ANXA13: variants seen among roughly 807,000 people sequenced by gnomAD.
ANXA13 encodes the protein annexin A13, also known as annexin XIII.
A neutral mutation model predicts 46.6 loss-of-function variants in ANXA13; 36 were observed. The observed-to-expected ratio is 0.77, with a 90% CI of 0.59 to 1.02. The LOEUF (loss-of-function observed/expected upper bound fraction) is 1.02. ANXA13 is among the 50% of genes least tolerant of loss of function. The pLI, the probability that ANXA13 is intolerant of heterozygous loss-of-function variation, is 0.00. For missense variants in ANXA13, 417 were observed against 396.5 expected (o/e 1.05, Z -0.44); for synonymous variants, 163 against 152.9 (o/e 1.07, Z -0.49).
chr8:123,722,259 G>T (rs1813888599), intron 1 of ANXA13, among the ~76,000 whole-genome samples: 1 of 151,932 alleles, frequency 6.6e-6, no homozygotes, highest in Admixed American at 6.6e-5. Context: ...GTTGCAGTGA[G>T]CCGTGGTTGC....
At chr8:123,711,217 C>T (rs1233908754) in intron 2 of ANXA13, among the ~76,000 whole-genome samples, 2 of 152,250 alleles carry the variant, frequency 1.3e-5, no homozygotes, top group South Asian at 2.1e-4. Flanking sequence ...CTACCACTCA[C>T]TGAGCAATGT....
rs140873967 is a variant in ANXA13, at chr8:123,737,199, C to T, written c.15+121G>A. 965 of 1,026,864 alleles carry T rather than the reference C, an allele frequency of 9.4e-4. 12 individuals carry two copies. In the African/African-American group the frequency reaches 0.014, roughly 15 times the overall value. 63.6% of individuals were successfully genotyped at this position (1,026,864 alleles called of 1,614,324 possible). ...AAAGCATGGTATGCTGTTGCTAAAA[C>T]CAATATTAAAGGGTAACCATAGTGA... On this transcript the variant is annotated intron_variant, in intron 1 of 10. Transcript: ENST00000419625.
chr8:123,702,193 G>T (rs1220648311), intron 3 of ANXA13, among the ~76,000 whole-genome samples: 1 of 151,538 alleles, frequency 6.6e-6, no homozygotes, highest in Non-Finnish European at 1.5e-5. Context: ...ACAATAAAAA[G>T]AATGAAAGAA....
At chr8:123,693,117 T>C (rs1813269706) in intron 8 of ANXA13, 80 bp downstream of exon 8, 1 of 1,246,320 alleles carries the variant, frequency 8.0e-7, no homozygotes. Context: ...CAATTCCTTA[T>C]TGCAGATCTT....
intron 1 of ANXA13, among the ~76,000 whole-genome samples, chr8:123,723,705 G>C (rs987915662): frequency 6.6e-6 from 1 of 152,134 alleles, no homozygotes; most frequent in Admixed American, 6.5e-5. Flanking sequence ...GCACACCACT[G>C]ACTCTTTTGT....
chr8:123,684,624 CGACTAT>C lies in ANXA13; in HGVS notation c.811_816del (p.Ile271_Val272del), dbSNP rs1813102918. ...GTGTGTCTTACCTCGGCCCTGGTCA[CGACTAT>C]GCGAATCAACGTCTCCTCATCGGTC... is the stretch of plus-strand genomic sequence containing the variant. On this transcript the variant is annotated inframe_deletion, in exon 10 of 11. Coordinates refer to ENST00000419625, the MANE Select transcript of ANXA13 (RefSeq NM_004306.4). 2.5e-6 allele frequency: 4 copies of C among 1,613,678 alleles called. No individual in the cohort carries two copies. The highest frequency in any genetic ancestry group is 3.4e-6 in the Non-Finnish European group (4 of 1,179,620).
intron 1 of ANXA13, among the ~76,000 whole-genome samples, chr8:123,731,867 C>A (rs1814125042): frequency 6.6e-6 from 1 of 152,084 alleles, no homozygotes; most frequent in African/African-American, 2.4e-5. Flanking sequence ...AGAGCGAGAT[C>A]CTGTCTCAAA....
chr8:123,719,053 A>G (rs1813810497), intron 1 of ANXA13, among the ~76,000 whole-genome samples: 1 of 152,222 alleles, frequency 6.6e-6, no homozygotes, highest in Non-Finnish European at 1.5e-5. Flanking sequence ...AACTCTGGGG[A>G]TGGAATGTGT....
intron 2 of ANXA13, among the ~76,000 whole-genome samples, chr8:123,706,393 G>A (rs756975004): frequency 4.6e-5 from 7 of 152,206 alleles, no homozygotes; most frequent in Non-Finnish European, 8.8e-5. Context: ...ATCCTGGCAG[G>A]TGCCAAGCCC....
chr8:123,725,915 C>T (rs1001949049), intron 1 of ANXA13, among the ~76,000 whole-genome samples: 1 of 152,138 alleles, frequency 6.6e-6, no homozygotes, highest in East Asian at 1.9e-4. Flanking sequence ...CTCTGCCCAC[C>T]TTAGTAGGGT....
intron 1 of ANXA13, among the ~76,000 whole-genome samples, chr8:123,723,424 C>T (rs1274790136): frequency 1.3e-5 from 2 of 152,110 alleles, no homozygotes; most frequent in Non-Finnish European, 2.9e-5. Context: ...GTTTGATTGC[C>T]CAGGACATAG....
At chr8:123,703,968 G>A (rs543750839) in intron 2 of ANXA13, among the ~76,000 whole-genome samples, 6 of 152,250 alleles carry the variant, frequency 3.9e-5, no homozygotes, top group Admixed American at 6.5e-5. Context: ...ACCCTGTACC[G>A]ACTGCATGAC....
chr8:123,709,301 C>T (rs561020149), intron 2 of ANXA13, among the ~76,000 whole-genome samples: 3 of 152,238 alleles, frequency 2.0e-5, no homozygotes, highest in Admixed American at 6.5e-5. Flanking sequence ...ACAGGTTGCA[C>T]ATTCACTCTC....
intron 1 of ANXA13, chr8:123,735,929 G>C: frequency 1.3e-6 from 2 of 1,538,546 alleles, no homozygotes; most frequent in Non-Finnish European, 1.8e-6. Context: ...CTAAAGGCCA[G>C]CTGCTCCCTA....
At chr8:123,712,446 T>A in intron 2 of ANXA13, 1 of 560,604 alleles carries the variant, frequency 1.8e-6, no homozygotes, top group African/African-American at 1.9e-5. Flanking sequence ...AAGTTCAAAT[T>A]AAACGTCACA....
intron 10 of ANXA13, among the ~76,000 whole-genome samples, chr8:123,681,651 T>G (rs1203288918): frequency 6.7e-6 from 1 of 149,230 alleles, no homozygotes; most frequent in African/African-American, 2.5e-5. Flanking sequence ...GAGACAGAGC[T>G]TTGCTCTTGT....
intron 2 of ANXA13, among the ~76,000 whole-genome samples, chr8:123,704,030 G>A (rs1302816874): frequency 1.3e-5 from 2 of 152,206 alleles, no homozygotes; most frequent in African/African-American, 4.8e-5. Context: ...CCTCTAAGAT[G>A]AGGGTAATAG....
At chr8:123,696,559 C>G (rs538765706) in intron 4 of ANXA13, among the ~76,000 whole-genome samples, 33,233 of 80,760 alleles carry the variant, frequency 0.41, 4,643 homozygotes, top group South Asian at 0.59. Flanking sequence ...TGCTCCCCCA[C>G]CCCCCCCACC....
intron 2 of ANXA13, among the ~76,000 whole-genome samples, chr8:123,703,884 T>G (rs1813493160): frequency 6.6e-6 from 1 of 152,180 alleles, no homozygotes; most frequent in Admixed American, 6.5e-5. Context: ...ATTTCCAGTG[T>G]GCGAATAAGA....
Sources: gnomAD v4.1 joint callset for allele counts (sites outside exome capture counted in the v4.1 genomes callset) on GRCh38, gnomAD v4.1.1 for gene constraint, MANE v1.5 for transcripts, NCBI Gene and HGNC (gene_info 2026-07-23, HGNC 2026-07-21) for gene names.